SCAPER: variants seen among roughly 807,000 people sequenced by gnomAD.
SCAPER encodes the protein S-phase cyclin A associated protein in the ER.
Under a neutral mutation model 182.2 loss-of-function variants are expected in SCAPER, and 98 were observed. That is an observed-to-expected ratio of 0.54 (90% CI 0.46 to 0.64). The LOEUF is 0.64. Ranked by LOEUF, SCAPER falls within the 30% of genes least tolerant of loss-of-function variation. SCAPER has a pLI of 0.00. For missense variants in SCAPER, 1,432 were observed against 1,690.0 expected (o/e 0.85, Z 2.68); for synonymous variants, 605 against 564.6 (o/e 1.07, Z -1.01).
intron 22 of SCAPER, among the ~76,000 whole-genome samples, chr15:76,604,658 G>A (rs2050209440): frequency 6.6e-6 from 1 of 152,140 alleles, no homozygotes; most frequent in Admixed American, 6.6e-5. Flanking sequence ...TTACCCATGA[G>A]CATGGAATGT....
At chr15:76,713,359 G>C (rs2059699341) in intron 17 of SCAPER, among the ~76,000 whole-genome samples, 2 of 152,018 alleles carry the variant, frequency 1.3e-5, no homozygotes, top group African/African-American at 4.8e-5. Context: ...ATTCACAATA[G>C]CAAAGACTTG....
intron 23 of SCAPER, among the ~76,000 whole-genome samples, chr15:76,539,619 A>G (rs2044547354): frequency 7.1e-6 from 1 of 141,734 alleles, no homozygotes; most frequent in South Asian, 2.1e-4. Flanking sequence ...ATCTTGGCTC[A>G]CTACAGGCTC....
intron 23 of SCAPER, among the ~76,000 whole-genome samples, chr15:76,550,265 C>T (rs151049220): frequency 7.4e-4 from 112 of 152,172 alleles, no homozygotes; most frequent in African/African-American, 2.6e-3. Flanking sequence ...AAGTGTGTGC[C>T]ATGGTGGTTT....
chr15:76,381,754 A>G (rs902629175), intron 27 of SCAPER, 139 bp from the exon 28 acceptor site: 4 of 693,960 alleles, frequency 5.8e-6, no homozygotes, highest in African/African-American at 5.4e-5. Context: ...AGAAACTTCA[A>G]GGAATAAATG....
chr15:76,370,307 T>TTTG (rs1338495962), intron 29 of SCAPER, among the ~76,000 whole-genome samples: 4 of 99,854 alleles, frequency 4.0e-5, no homozygotes, highest in African/African-American at 1.2e-4. Flanking sequence ...TTTTTTTTTT[T>TTTG]TTTTTTTTTG....
At chr15:76,611,292 T>C (rs2145938161) in intron 22 of SCAPER, among the ~76,000 whole-genome samples, 1 of 151,974 alleles carries the variant, frequency 6.6e-6, no homozygotes, top group South Asian at 2.1e-4. Flanking sequence ...GACTCGAAAC[T>C]ATAAAAGTCT....
chr15:76,727,727 G>A (rs2060675364), intron 17 of SCAPER, among the ~76,000 whole-genome samples: 1 of 151,732 alleles, frequency 6.6e-6, no homozygotes, highest in Admixed American at 6.6e-5. Flanking sequence ...CTGCAACCAA[G>A]AGTTATGCTA....
intron 8 of SCAPER, among the ~76,000 whole-genome samples, chr15:76,779,839 T>C (rs905619569): frequency 6.6e-6 from 1 of 152,164 alleles, no homozygotes; most frequent in Non-Finnish European, 1.5e-5. Context: ...AATTATAAGC[T>C]ATGACCAAGT....
chr15:76,644,803 T>A (rs572422529), intron 21 of SCAPER, among the ~76,000 whole-genome samples: 1 of 152,088 alleles, frequency 6.6e-6, no homozygotes. Flanking sequence ...TATGCACATA[T>A]ATAAACAGAA....
At chr15:76,552,558 G>A (rs933260271) in intron 23 of SCAPER, among the ~76,000 whole-genome samples, 2 of 152,088 alleles carry the variant, frequency 1.3e-5, no homozygotes, top group African/African-American at 4.8e-5. Context: ...GTAAGCACTG[G>A]CCCCCTCTTG....
intron 6 of SCAPER, among the ~76,000 whole-genome samples, chr15:76,803,505 C>T (rs1568187457): frequency 6.6e-6 from 1 of 152,130 alleles, no homozygotes; most frequent in Non-Finnish European, 1.5e-5. Context: ...GCACTTAGTC[C>T]ATTCAGGCTG....
chr15:76,789,655 A>G (rs2064862574), intron 8 of SCAPER, among the ~76,000 whole-genome samples: 6 of 152,246 alleles, frequency 3.9e-5, no homozygotes, highest in Admixed American at 3.9e-4. Context: ...TTCCCATAAT[A>G]AAGAATGTTT....
chr15:76,358,588 T>C (rs2041172503), intron 29 of SCAPER, among the ~76,000 whole-genome samples: 1 of 152,232 alleles, frequency 6.6e-6, no homozygotes, highest in African/African-American at 2.4e-5. Context: ...TGAGGGCATT[T>C]AGAGAGCGAG....
In SCAPER at chr15:76,868,775, G is replaced by A. The variant is rs556548424; in HGVS notation, c.7-6242C>T. ...ACCAATGACATTCTTTACAGAAATAGAAAAAAAAATCCTAAAACTTATATG... is the reference window on the plus strand; with the variant it reads ...ACCAATGACATTCTTTACAGAAATAAAAAAAAAAATCCTAAAACTTATATG... On this transcript the variant is annotated intron_variant, in intron 2 of 31. Transcript: ENST00000563290. Among the ~76,000 whole-genome samples the A allele has an allele frequency of 2.0e-3, 298 of 151,072 alleles. 1 individual carries two copies. The highest frequency in any genetic ancestry group is 3.9e-3 in the Non-Finnish European group (261 of 67,720).
At chr15:76,875,086 A>T (rs151127593) in intron 2 of SCAPER, among the ~76,000 whole-genome samples, 33 of 152,350 alleles carry the variant, frequency 2.2e-4, no homozygotes, top group African/African-American at 7.2e-4. Context: ...AAGAAAACAG[A>T]AAATCTGAAT....
intron 27 of SCAPER, among the ~76,000 whole-genome samples, chr15:76,389,431 G>A (rs1243745907): frequency 6.6e-6 from 1 of 150,506 alleles, no homozygotes; most frequent in African/African-American, 2.5e-5. Context: ...AACCCGGGAG[G>A]TGGAGGTTGC....
intron 21 of SCAPER, among the ~76,000 whole-genome samples, chr15:76,652,242 C>T (rs796645688): frequency 1.8e-4 from 17 of 93,152 alleles, no homozygotes; most frequent in South Asian, 4.4e-4. Context: ...ACATGGCGAA[C>T]GCTGTGTCTC....
At chr15:76,652,782 C>T (rs1185396926) in intron 21 of SCAPER, among the ~76,000 whole-genome samples, 1 of 151,880 alleles carries the variant, frequency 6.6e-6, no homozygotes, top group African/African-American at 2.4e-5. Flanking sequence ...ACTGAAGGTG[C>T]AAAAGCTAGA....
chr15:76,561,716 CT>C (rs142468278), intron 23 of SCAPER, among the ~76,000 whole-genome samples: 78 of 145,974 alleles, frequency 5.3e-4, no homozygotes, highest in Admixed American at 6.9e-4. Flanking sequence ...CTCTACCTCA[CT>C]TTTTTTTTTT....
Sources: gnomAD v4.1 joint callset for allele counts (sites outside exome capture counted in the v4.1 genomes callset) on GRCh38, gnomAD v4.1.1 for gene constraint, MANE v1.5 for transcripts, NCBI Gene and HGNC (gene_info 2026-07-23, HGNC 2026-07-21) for gene names.